ARHGAP20: variants seen among roughly 807,000 people sequenced by gnomAD.
The protein encoded by ARHGAP20 is Rho GTPase activating protein 20.
Under a neutral mutation model 73.7 loss-of-function variants are expected in ARHGAP20, and 34 were observed. The observed-to-expected ratio is 0.46, with a 90% confidence interval of 0.35 to 0.61. The LOEUF (loss-of-function observed/expected upper bound fraction) is 0.61. Among genes scored for constraint, ARHGAP20 ranks in the 20% least tolerant of loss-of-function variants. ARHGAP20 has a pLI of 0.00. For missense variants in ARHGAP20, 1,314 were observed against 1,420.9 expected (o/e 0.92, Z 1.21); for synonymous variants, 523 against 518.2 (o/e 1.01, Z -0.13).
chr11:110,684,761 T>C (rs975650093), intron 2 of ARHGAP20, among the ~76,000 whole-genome samples: 1 of 152,190 alleles, frequency 6.6e-6, no homozygotes, highest in African/African-American at 2.4e-5. Context: ...GATAAAATCA[T>C]GTCCTTTGTA....
intron 1 of ARHGAP20, among the ~76,000 whole-genome samples, chr11:110,697,696 T>C (rs1057120819): frequency 3.3e-5 from 5 of 151,802 alleles, no homozygotes; most frequent in African/African-American, 7.2e-5. Context: ...TTCCCCATTG[T>C]TTATTTTTGT....
At chr11:110,621,957 G>C (rs4938046) in intron 4 of ARHGAP20, among the ~76,000 whole-genome samples, 9 of 151,794 alleles carry the variant, frequency 5.9e-5, no homozygotes, top group African/African-American at 9.7e-5. Flanking sequence ...GGCTCAGTTC[G>C]ATTCTTTCAG....
chr11:110,708,873 T>C (rs1459427670), intron 1 of ARHGAP20, among the ~76,000 whole-genome samples: 2 of 152,230 alleles, frequency 1.3e-5, no homozygotes, highest in Admixed American at 1.3e-4. Context: ...GTGCAGTTTA[T>C]TCTATATCAA....
At chr11:110,712,080 G>A (rs952713533) in intron 1 of ARHGAP20, 47 bp downstream of exon 1, 8 of 1,258,378 alleles carry the variant, frequency 6.4e-6, no homozygotes, top group African/African-American at 6.2e-5. Flanking sequence ...CGCCGGCAGT[G>A]GGGGCTGCGG....
intron 5 of ARHGAP20, 57 bp from the exon 6 acceptor site, chr11:110,614,702 G>T: frequency 8.9e-7 from 1 of 1,123,772 alleles, no homozygotes; most frequent in South Asian, 1.5e-5. Flanking sequence ...ATTCGCTAAT[G>T]GCTTATTTTA....
At chr11:110,619,495 A>AGTATATGTAGTGATAGG (rs1565441972) in intron 4 of ARHGAP20, among the ~76,000 whole-genome samples, 1 of 150,838 alleles carries the variant, frequency 6.6e-6, no homozygotes, top group Admixed American at 6.6e-5. Flanking sequence ...GCAGTGATAG[A>AGTATATGTAGTGATAGG]GTATATGTAG....
intron 4 of ARHGAP20, among the ~76,000 whole-genome samples, chr11:110,616,003 T>C (rs1591317307): frequency 6.6e-6 from 1 of 152,140 alleles, no homozygotes; most frequent in East Asian, 1.9e-4. Flanking sequence ...AGTTTCTACA[T>C]CTATGAAACT....
intron 14 of ARHGAP20, 103 bp downstream of exon 14, chr11:110,582,218 T>C (rs1399025798): frequency 1.3e-5 from 12 of 951,524 alleles, no homozygotes; most frequent in Admixed American, 1.9e-5. Context: ...GAGGCTCCTT[T>C]CACTTCAGCT....
At chr11:110,664,952 A>G (rs1003588259) in intron 2 of ARHGAP20, among the ~76,000 whole-genome samples, 2 of 152,160 alleles carry the variant, frequency 1.3e-5, no homozygotes, top group Non-Finnish European at 2.9e-5. Context: ...TCAACGATCT[A>G]TAGATTCAGT....
At chr11:110,632,866 A>T (rs1948887752) in intron 2 of ARHGAP20, among the ~76,000 whole-genome samples, 1 of 152,136 alleles carries the variant, frequency 6.6e-6, no homozygotes, top group Admixed American at 6.5e-5. Context: ...GAACTTTTTC[A>T]TGTATCCTAG....
chr11:110,659,119 C>T lies in ARHGAP20; in HGVS notation c.189-28327G>A, dbSNP rs567256139. 8.7e-5 allele frequency among the ~76,000 whole-genome samples: 13 copies of T among 148,940 alleles called. No individual in the cohort carries two copies. The South Asian group carries it at 2.8e-3, about 33-fold the overall frequency. On this transcript the variant is annotated intron_variant, in intron 2 of 14. Transcript: ENST00000683387. Reference sequence around the variant, plus strand: ...CAAATGGTATTTCCAGTTCTAGATCCCTGAGGAATCACCACACTGACTTCC... The same window carrying T: ...CAAATGGTATTTCCAGTTCTAGATCTCTGAGGAATCACCACACTGACTTCC...
intron 2 of ARHGAP20, among the ~76,000 whole-genome samples, chr11:110,633,696 T>C (rs1180348201): frequency 6.6e-6 from 1 of 152,198 alleles, no homozygotes; most frequent in Non-Finnish European, 1.5e-5. Context: ...ACATAACCCG[T>C]TGTAAGTCGA....
intron 2 of ARHGAP20, among the ~76,000 whole-genome samples, chr11:110,635,801 A>T (rs2134971003): frequency 6.6e-6 from 1 of 152,126 alleles, no homozygotes; most frequent in Non-Finnish European, 1.5e-5. Flanking sequence ...AAAAAAAAAA[A>T]TCCTTTCTCA....
chr11:110,677,308 A>G (rs1949951566), intron 2 of ARHGAP20, among the ~76,000 whole-genome samples: 2 of 152,218 alleles, frequency 1.3e-5, no homozygotes, highest in Admixed American at 6.5e-5. Flanking sequence ...AGACATACAA[A>G]TGACAAGCAC....
chr11:110,625,574 T>TA (rs907441769), intron 3 of ARHGAP20, among the ~76,000 whole-genome samples: 11 of 148,380 alleles, frequency 7.4e-5, no homozygotes, highest in Admixed American at 1.3e-4. Flanking sequence ...AAACCAAACT[T>TA]AAAAAAAAAA....
chr11:110,703,616 C>T (rs1190813934), intron 1 of ARHGAP20, among the ~76,000 whole-genome samples: 1 of 151,992 alleles, frequency 6.6e-6, no homozygotes, highest in African/African-American at 2.4e-5. Context: ...TGGTTAAGTG[C>T]TGTATATAAA....
At chr11:110,641,364 G>C (rs1949073629) in intron 2 of ARHGAP20, among the ~76,000 whole-genome samples, 1 of 151,908 alleles carries the variant, frequency 6.6e-6, no homozygotes, top group Non-Finnish European at 1.5e-5. Flanking sequence ...TCATAACCTT[G>C]ACACAGAAGT....
chr11:110,648,225 A>ATATATATGTAAATATATATATG (rs1565457523), intron 2 of ARHGAP20, among the ~76,000 whole-genome samples: 1 of 95,704 alleles, frequency 1.0e-5, no homozygotes, highest in Admixed American at 1.0e-4. Flanking sequence ...ATATATGTAT[A>ATATATATGTAAATATATATATG]TATATATATA....
intron 2 of ARHGAP20, among the ~76,000 whole-genome samples, chr11:110,650,315 AC>A (rs775627217): frequency 1.6e-4 from 24 of 152,188 alleles, no homozygotes; most frequent in Non-Finnish European, 3.1e-4. Context: ...TAATAGCTAA[AC>A]AAAACAGCAT....
Sources: allele counts gnomAD v4.1 joint callset (sites outside exome capture counted in the v4.1 genomes callset), GRCh38; gene constraint gnomAD v4.1.1; transcripts MANE v1.5; gene names NCBI Gene and HGNC (gene_info 2026-07-23, HGNC 2026-07-21).